The following COL4A1 variants were observed in gnomAD, a reference collection of about 807,000 sequenced individuals.
The protein encoded by COL4A1 is collagen alpha-1(IV) chain.
COL4A1 carries 40 observed loss-of-function variants against 216.6 expected under a neutral mutation model. The observed-to-expected ratio is 0.18, with a 90% CI of 0.14 to 0.24. The LOEUF (loss-of-function observed/expected upper bound fraction) is 0.24, where lower values mean the gene tolerates loss of function less well. Ranked by LOEUF, COL4A1 falls within the 10% of genes least tolerant of loss-of-function variation. COL4A1 has a pLI of 1.00. For missense variants in COL4A1, 1,628 were observed against 2,196.8 expected, an observed-to-expected ratio of 0.74 and a Z score of 5.18; for synonymous variants, 839 against 810.7, an observed-to-expected ratio of 1.03 and a Z score of -0.59.
intron 6 of COL4A1, among the ~76,000 whole-genome samples, 190 bp downstream of exon 6, chr13:110,212,227 A>G (rs1180219691): frequency 6.6e-6 from 1 of 152,250 alleles, no homozygotes; most frequent in African/African-American, 2.4e-5. Flanking sequence ...AGAAAGGAAC[A>G]ATTATATCTT....
intron 36 of COL4A1, among the ~76,000 whole-genome samples, chr13:110,176,023 G>A (rs894049756): frequency 1.6e-4 from 24 of 150,032 alleles, no homozygotes; most frequent in African/African-American, 5.6e-4. Context: ...AGGCTAGTCC[G>A]GGATTGGAGC....
intron 1 of COL4A1, among the ~76,000 whole-genome samples, chr13:110,266,292 C>T (rs535603915): frequency 6.6e-6 from 1 of 152,280 alleles, no homozygotes; most frequent in East Asian, 1.9e-4. Flanking sequence ...CGAAGGGACG[C>T]AAGGGGAACT....
chr13:110,297,222 G>A (rs1233144942), intron 1 of COL4A1, among the ~76,000 whole-genome samples: 8 of 152,194 alleles, frequency 5.3e-5, no homozygotes, highest in African/African-American at 1.9e-4. Flanking sequence ...TGAAGCTGCG[G>A]GGTGGGGGGG....
chr13:110,208,992 C>G, intron 11 of COL4A1, 102 bp from the exon 12 acceptor site: 2 of 1,200,856 alleles, frequency 1.7e-6, no homozygotes, highest in Non-Finnish European at 1.2e-6. Context: ...AGATTTCAGG[C>G]AATAGCTTTG....
At chr13:110,218,186 G>A (rs1278931612) in intron 2 of COL4A1, among the ~76,000 whole-genome samples, 5 of 133,550 alleles carry the variant, frequency 3.7e-5, no homozygotes, top group East Asian at 2.3e-4. Context: ...CCTAGAATAA[G>A]CAGTCATCAA....
In COL4A1 at chr13:110,268,447, C is replaced by T. The variant is rs944975905; in HGVS notation, c.85-25713G>A. Among the ~76,000 whole-genome samples the T allele has an allele frequency of 2.8e-4, 42 of 152,180 alleles. 1 individual carries two copies. Among genetic ancestry groups the T allele is most frequent in the African/African-American group, 6.8e-4 (28 of 41,442 alleles). On this transcript the variant is annotated intron_variant, in intron 1 of 51. Coordinates refer to ENST00000375820, the MANE Select transcript of COL4A1 (RefSeq NM_001845.6). The surrounding 1 kb of genome is among the most constrained non-coding windows in gnomAD (Gnocchi z 4.1). ...TCTTTAGAGAGAAGGCAACCATCCT[C>T]GCCAGTCCAAGTGAGCTTTTAACAA...
At chr13:110,255,195 A>C (rs1298662538) in intron 1 of COL4A1, among the ~76,000 whole-genome samples, 1 of 152,180 alleles carries the variant, frequency 6.6e-6, no homozygotes, top group Non-Finnish European at 1.5e-5. Flanking sequence ...CTGTGCCCAC[A>C]AAAGGCCAAG....
chr13:110,268,837 G>A lies in COL4A1; in HGVS notation c.85-26103C>T, dbSNP rs1272174078. On this transcript the variant is annotated intron_variant, in intron 1 of 51. Coordinates refer to ENST00000375820, the MANE Select transcript of COL4A1 (RefSeq NM_001845.6). This position sits in a 1 kb window ranked among gnomAD's most constrained non-coding sequence, Gnocchi z 4.1. ...CCGCCCATCTTCCAGCCGAGGGCAG[G>A]TGAGACACAAGGAGGAGGGGACTTG... Among the ~76,000 whole-genome samples the A allele has an allele frequency of 6.6e-6, 1 of 152,210 alleles. No homozygotes were observed. The highest frequency in any genetic ancestry group is 1.9e-4 in the East Asian group (1 of 5,200).
At chr13:110,220,309 GC>G (rs1319367576) in intron 2 of COL4A1, among the ~76,000 whole-genome samples, 2 of 152,116 alleles carry the variant, frequency 1.3e-5, no homozygotes, top group East Asian at 3.8e-4. Flanking sequence ...GCTTAGCCTA[GC>G]CATCCTTAAA....
rs150846483 is a variant in COL4A1, at chr13:110,265,439, T to G, written c.85-22705A>C. ...TAAACTACAGCTGTGTGCAGTCGCA[T>G]TCATAGCGCACAGCTCAGGCTGTGA... On this transcript the variant is annotated intron_variant, in intron 1 of 51. Coordinates refer to ENST00000375820, the MANE Select transcript of COL4A1 (RefSeq NM_001845.6). 85 of 152,356 alleles carry G rather than the reference T, an allele frequency of 5.6e-4. 1 individual carries two copies. Among genetic ancestry groups the G allele is most frequent in the African/African-American group, 1.9e-3 (81 of 41,586 alleles). 9.4% of individuals were successfully genotyped at this position (152,356 alleles called of 1,614,324 possible).
intron 24 of COL4A1, among the ~76,000 whole-genome samples, chr13:110,188,698 G>A (rs1190150417): frequency 6.6e-6 from 1 of 152,230 alleles, no homozygotes; most frequent in Non-Finnish European, 1.5e-5. Context: ...CATTACACAG[G>A]GGGAGAGGTG....
intron 2 of COL4A1, among the ~76,000 whole-genome samples, chr13:110,241,372 T>A (rs1285965574): frequency 6.6e-6 from 1 of 152,094 alleles, no homozygotes; most frequent in East Asian, 1.9e-4. Context: ...AAAACAGAGG[T>A]AATCATGATC....
chr13:110,288,993 G>A (rs996697327), intron 1 of COL4A1, among the ~76,000 whole-genome samples: 6 of 152,144 alleles, frequency 3.9e-5, no homozygotes, highest in South Asian at 2.1e-4. Flanking sequence ...AGCCAAGATC[G>A]TGCCACTGCA....
At chr13:110,228,374 A>C (rs1456928605) in intron 2 of COL4A1, among the ~76,000 whole-genome samples, 2 of 152,146 alleles carry the variant, frequency 1.3e-5, no homozygotes, top group African/African-American at 2.4e-5. Flanking sequence ...CTTCCGTGCA[A>C]GGCAAGTTTT....
At position 110,193,917 on chromosome 13, in the gene COL4A1, G is replaced by A. The variant is rs561642779; in HGVS notation, c.1382-1004C>T. On this transcript the variant is annotated intron_variant, in intron 22 of 51. Coordinates refer to ENST00000375820, the MANE Select transcript of COL4A1 (RefSeq NM_001845.6). ...GTGTCTGTTCGCAAGGCTTCAGGTG[G>A]GTGGGGAGACAAGGTGCATTCCCAG... Among the ~76,000 whole-genome samples the A allele has an allele frequency of 2.0e-5, 3 of 152,322 alleles. No individual in the cohort carries two copies. The South Asian group carries it at 6.2e-4, about 32-fold the overall frequency.
chr13:110,251,688 G>A (rs1358863226), intron 1 of COL4A1, among the ~76,000 whole-genome samples: 1 of 152,230 alleles, frequency 6.6e-6, no homozygotes. Flanking sequence ...CACCTAGGAA[G>A]AACCCAGGAT....
Position 110,177,951 on chromosome 13 carries a change from C to T in COL4A1, c.2627-20G>A. 6.2e-7 allele frequency: 1 copy of T among 1,614,114 alleles called. No individual in the cohort carries two copies. The highest frequency in any genetic ancestry group is 8.5e-7 in the Non-Finnish European group (1 of 1,180,006). On this transcript the variant is annotated intron_variant, in intron 32 of 51. Coordinates refer to ENST00000375820, the MANE Select transcript of COL4A1 (RefSeq NM_001845.6). ...TGGAACCTGTGGCCAAAGGAAAGGA[C>T]TGTGAACATTTTCTTGCTCTGAATG...
intron 40 of COL4A1, among the ~76,000 whole-genome samples, 182 bp downstream of exon 40, chr13:110,173,718 C>T (rs1877748324): frequency 6.6e-6 from 1 of 152,110 alleles, no homozygotes; most frequent in Non-Finnish European, 1.5e-5. Flanking sequence ...TACCCCTTCC[C>T]TTCTTCCCCT....
At chr13:110,158,140 G>C (rs529804902) in intron 49 of COL4A1, among the ~76,000 whole-genome samples, 1 of 152,342 alleles carries the variant, frequency 6.6e-6, no homozygotes, top group Admixed American at 6.5e-5. Context: ...ACTCACACAG[G>C]TGAAGTATTG....
Sources: gnomAD v4.1 joint callset for allele counts (sites outside exome capture counted in the v4.1 genomes callset) on GRCh38, gnomAD v4.1.1 for gene constraint, Gnocchi (gnomAD v3.1) non-coding constraint, MANE v1.5 for transcripts, NCBI Gene and HGNC (gene_info 2026-07-23, HGNC 2026-07-21) for gene names.